TEX35: variants seen among roughly 807,000 people sequenced by gnomAD.
The protein encoded by TEX35 is testis-expressed protein 35.
TEX35 carries 26 observed loss-of-function variants against 31.9 expected under a neutral mutation model. The observed-to-expected ratio is 0.81, with a 90% CI of 0.60 to 1.13. The LOEUF is 1.13. Ranked by LOEUF, TEX35 falls within the 50% of genes most tolerant of loss-of-function variation. TEX35 has a pLI of 0.00. For synonymous variants in TEX35, 87 were observed against 90.7 expected (o/e 0.96, Z 0.23); for missense variants, 278 against 273.5 (o/e 1.02, Z -0.12).
At chr1:178,522,650 CT>C (rs60079347), downstream of TEX35, 221 of 1,199,598 alleles carry the variant, frequency 1.8e-4, no homozygotes, top group East Asian at 1.1e-3. Context: ...TGGCCAAGTT[CT>C]TTTTTTTTGG....
intron 5 of TEX35, among the ~76,000 whole-genome samples, chr1:178,517,699 TGTCA>T (rs1391037186): frequency 6.6e-6 from 1 of 152,350 alleles, no homozygotes; most frequent in African/African-American, 2.4e-5. Context: ...GATTTTTTGA[TGTCA>T]GTCAGAAGGA....
At chr1:178,515,578 A>T (rs1183469786) in intron 3 of TEX35, among the ~76,000 whole-genome samples, 1 of 151,430 alleles carries the variant, frequency 6.6e-6, no homozygotes, top group Non-Finnish European at 1.5e-5. Flanking sequence ...TTAATTAATT[A>T]ATTTTGAGAT....
In TEX35 at chr1:178,516,028, C is replaced by G. The variant is rs140484159; in HGVS notation, c.216+113C>G. 6.3e-5 allele frequency: 54 copies of G among 853,884 alleles called. No homozygotes were observed. In the African/African-American group the frequency reaches 8.2e-4, roughly 13 times the overall value. The allele number at this position is 853,884 out of a possible 1,614,324, so 52.9% of individuals were successfully genotyped here. ...AGGAATTGCATGGAAAAATGTAACT[C>G]AGTCCTAATACCCAGAGCACTTCAG... On this transcript the variant is annotated intron_variant, in intron 4 of 8. Coordinates refer to ENST00000319416, the MANE Select transcript of TEX35 (RefSeq NM_032126.5).
At chr1:178,521,475 C>A (rs1281120367) in intron 8 of TEX35, 41 of 1,022,504 alleles carry the variant, frequency 4.0e-5, no homozygotes, top group Admixed American at 1.2e-4. Context: ...GAGGCTGCTG[C>A]CTGGGGCTCC....
At chr1:178,517,726 G>C (rs973502583) in intron 5 of TEX35, among the ~76,000 whole-genome samples, 1 of 152,164 alleles carries the variant, frequency 6.6e-6, no homozygotes, top group African/African-American at 2.4e-5. Context: ...GGATTAGGTA[G>C]TAATATTAGA....
intron 5 of TEX35, among the ~76,000 whole-genome samples, chr1:178,519,081 G>C (rs533053324): frequency 6.6e-6 from 1 of 152,168 alleles, no homozygotes; most frequent in Non-Finnish European, 1.5e-5. Flanking sequence ...TCTGGGAGGA[G>C]CACTTCAAAA....
rs564481215 is a variant in TEX35 at position 178,513,376 on chromosome 1, G to C, written c.39+149G>C. On this transcript the variant is annotated intron_variant, in intron 1 of 8. Coordinates refer to ENST00000319416, the MANE Select transcript of TEX35 (RefSeq NM_032126.5). ...GAGCATAAAGCAGCCTCTCAGTCTG[G>C]AAGGGGTGTGGGATTAATCCCTAGC... 2.3e-5 allele frequency: 24 copies of C among 1,055,352 alleles called. No individual in the cohort carries two copies. In the Admixed American group the frequency reaches 3.9e-4, roughly 17 times the overall value. 65.4% of individuals were successfully genotyped at this position (1,055,352 alleles called of 1,614,324 possible). A position where few individuals can be genotyped will look rare whatever the true frequency, so the allele number is the denominator to read the frequency against.
chr1:178,522,254 T>A, intron 8 of TEX35, 71 bp from the exon 9 acceptor site: 1 of 1,501,674 alleles, frequency 6.7e-7, no homozygotes, highest in South Asian at 1.3e-5. Context: ...ACTGGGTAGC[T>A]TTCTTGGGTT....
Position 178,520,699 on chromosome 1 carries a change from A to G in TEX35, c.368A>G (p.Gln123Arg). The G allele has an allele frequency of 6.2e-7, 1 of 1,614,030 alleles. No homozygotes were observed. Among genetic ancestry groups the G allele is most frequent in the Non-Finnish European group, 8.5e-7 (1 of 1,179,988 alleles). ...KLPLRRAPKE[Q>R]QELRLMGKTH... The stretch of plus-strand genomic sequence containing the variant: ...CCCCTTAGAAGAGCACCAAAGGAGC[A>G]GCAGGAACTCAGGCTGATGGGAAAG... Residue 123 changes from glutamine (Q) to arginine (R), a missense_variant, in exon 7 of 9, where the codon CAG (glutamine) becomes CGG (arginine). Coordinates refer to ENST00000319416, the MANE Select transcript of TEX35 (RefSeq NM_032126.5).
intron 5 of TEX35, among the ~76,000 whole-genome samples, chr1:178,518,976 G>A (rs1235171609): frequency 7.9e-5 from 12 of 152,184 alleles, no homozygotes; most frequent in African/African-American, 2.4e-4. Flanking sequence ...CACAAAGGCT[G>A]TAGGTAATGA....
intron 5 of TEX35, among the ~76,000 whole-genome samples, chr1:178,518,184 ACAAT>A (rs1300730602): frequency 6.6e-6 from 1 of 152,192 alleles, no homozygotes; most frequent in African/African-American, 2.4e-5. Context: ...ATGCAAATGA[ACAAT>A]CAATTATTGT....
chr1:178,520,264 G>A lies in TEX35; in HGVS notation c.277-108G>A, dbSNP rs114022236. The A allele has an allele frequency of 2.0e-3, 2,299 of 1,134,872 alleles. 23 individuals carry two copies. In the African/African-American group the frequency reaches 0.022, roughly 11 times the overall value. 70.3% of individuals were successfully genotyped at this position (1,134,872 alleles called of 1,614,324 possible). On this transcript the variant is annotated intron_variant, in intron 5 of 8. Transcript: ENST00000319416. Reference sequence around the variant, plus strand: ...AAAAGCCACCTCACCCAAGTCTAGCGAGGATTCTTGAGGAAGTAAGATGCA... The same window carrying A: ...AAAAGCCACCTCACCCAAGTCTAGCAAGGATTCTTGAGGAAGTAAGATGCA...
chr1:178,522,564 A>G lies in TEX35; in HGVS notation c.*124A>G. 1 of 1,337,748 alleles carries G rather than the reference A, an allele frequency of 7.5e-7. No individual in the cohort carries two copies. Among genetic ancestry groups the G allele is most frequent in the East Asian group, 2.7e-5 (1 of 36,580 alleles). The allele number at this position is 1,337,748 out of a possible 1,614,324, so 82.9% of individuals were successfully genotyped here. A position where few individuals can be genotyped will look rare whatever the true frequency, so the allele number is the denominator to read the frequency against. ...GAAGGACGAGGAATGATGGGATTTCATATTTTATTTCACACCAGTTCCTCC... is the reference window on the plus strand; with the variant it reads ...GAAGGACGAGGAATGATGGGATTTCGTATTTTATTTCACACCAGTTCCTCC... On this transcript the variant is annotated 3_prime_UTR_variant, in exon 9 of 9. Coordinates refer to ENST00000319416, the MANE Select transcript of TEX35 (RefSeq NM_032126.5).
chr1:178,519,846 T>G (rs1650202171), intron 5 of TEX35, among the ~76,000 whole-genome samples: 1 of 152,252 alleles, frequency 6.6e-6, no homozygotes, highest in Non-Finnish European at 1.5e-5. Flanking sequence ...TGTCAAGATT[T>G]TATTATTCCT....
chr1:178,523,166 G>GT (rs1271140315), downstream of TEX35: 7 of 588,548 alleles, frequency 1.2e-5, no homozygotes, highest in Non-Finnish European at 2.1e-5. Flanking sequence ...ACTCAATTGT[G>GT]TGTGTGTACG....
intron 4 of TEX35, among the ~76,000 whole-genome samples, chr1:178,516,214 G>A (rs1393928969): frequency 6.6e-6 from 1 of 152,170 alleles, no homozygotes; most frequent in Non-Finnish European, 1.5e-5. Context: ...GGGAAGTCAG[G>A]GACCAACCCC....
At chr1:178,514,291 C>G (rs1649989556) in intron 2 of TEX35, 4 of 1,449,522 alleles carry the variant, frequency 2.8e-6, no homozygotes, top group African/African-American at 1.4e-5. Flanking sequence ...ACCTGCTCTG[C>G]TGGGAATCAA....
chr1:178,521,323 G>A (rs1435094606), intron 8 of TEX35, 59 bp downstream of exon 8: 3 of 1,593,778 alleles, frequency 1.9e-6, no homozygotes, highest in Admixed American at 3.3e-5. Context: ...TGTCCCCAAG[G>A]CCATGTGCTC....
At position 178,522,305 on chromosome 1, in the gene TEX35, C is replaced by T; in HGVS notation, c.587-20C>T. On this transcript the variant is annotated intron_variant, in intron 8 of 8. Transcript: ENST00000319416. ...TCTCACCCCCTTGAAGGTTTCCTCT[C>T]CCTCCCTCCACCCCCAAAGGGAACA... 6.4e-7 allele frequency: 1 copy of T among 1,558,496 alleles called. No homozygotes were observed. Among genetic ancestry groups the T allele is most frequent in the Non-Finnish European group, 8.7e-7 (1 of 1,148,848 alleles).
Sources: gnomAD v4.1 joint callset for allele counts (sites outside exome capture counted in the v4.1 genomes callset) on GRCh38, gnomAD v4.1.1 for gene constraint, MANE v1.5 for transcripts, NCBI Gene and HGNC (gene_info 2026-07-23, HGNC 2026-07-21) for gene names.